TET2: variants seen among roughly 807,000 people sequenced by gnomAD.
TET2 encodes methylcytosine dioxygenase TET2.
Under a neutral mutation model 142.9 loss-of-function variants are expected in TET2, and 299 were observed. The observed-to-expected ratio is 2.09, with a 90% CI of 1.90 to 2.30. The LOEUF is 2.30. Ranked by LOEUF, TET2 falls within the 30% of genes most tolerant of loss-of-function variation. TET2 has a pLI of 0.00. For missense variants in TET2, 2,418 were observed against 2,378.0 expected (o/e 1.02, Z -0.35); for synonymous variants, 819 against 849.0 (o/e 0.96, Z 0.61).
At chr4:105,195,957 C>T (rs181950449) in intron 2 of TET2, among the ~76,000 whole-genome samples, 3 of 152,252 alleles carry the variant, frequency 2.0e-5, no homozygotes, top group Admixed American at 6.5e-5. Context: ...TACTTGTGCA[C>T]ACTCACACAC....
chr4:105,168,119 C>A (rs1307612739), intron 1 of TET2, among the ~76,000 whole-genome samples: 1 of 152,120 alleles, frequency 6.6e-6, no homozygotes, highest in Non-Finnish European at 1.5e-5. Context: ...CTTTGCTCCC[C>A]CTTCTTACCT....
chr4:105,176,077 G>T (rs1027623690), intron 1 of TET2, among the ~76,000 whole-genome samples: 1 of 152,064 alleles, frequency 6.6e-6, no homozygotes, highest in Non-Finnish European at 1.5e-5. Context: ...TTAGAGAGAG[G>T]TAAAATGATA....
At chr4:105,265,464 A>G (rs1730640412) in intron 8 of TET2, among the ~76,000 whole-genome samples, 1 of 152,244 alleles carries the variant, frequency 6.6e-6, no homozygotes, top group East Asian at 1.9e-4. Context: ...CATAAGTGTA[A>G]TTTCTAGCTG....
At chr4:105,253,036 C>T (rs963164192) in intron 6 of TET2, among the ~76,000 whole-genome samples, 1 of 152,062 alleles carries the variant, frequency 6.6e-6, no homozygotes, top group African/African-American at 2.4e-5. Context: ...TTAACTTAGG[C>T]TTTAGAGTAA....
chr4:105,263,636 A>G (rs1730551362), intron 8 of TET2, among the ~76,000 whole-genome samples: 2 of 152,152 alleles, frequency 1.3e-5, no homozygotes, highest in South Asian at 4.1e-4. Context: ...TTAGATGGAG[A>G]ATCAGGAGAA....
intron 2 of TET2, among the ~76,000 whole-genome samples, chr4:105,217,169 C>A (rs1179623481): frequency 6.6e-6 from 1 of 151,562 alleles, no homozygotes; most frequent in East Asian, 1.9e-4. Flanking sequence ...ATTTCAAAGG[C>A]ATAACTTGGA....
chr4:105,258,398 T>C (rs1730249593), intron 6 of TET2, among the ~76,000 whole-genome samples: 1 of 152,184 alleles, frequency 6.6e-6, no homozygotes, highest in African/African-American at 2.4e-5. Context: ...TACCATTTAA[T>C]ATAGTTTGTA....
intron 2 of TET2, among the ~76,000 whole-genome samples, chr4:105,206,768 A>G (rs1279433793): frequency 1.3e-5 from 2 of 152,188 alleles, no homozygotes; most frequent in African/African-American, 4.8e-5. Flanking sequence ...TACTGGAAAG[A>G]GGGCTTAGAT....
In TET2 at chr4:105,234,376, G is replaced by A. The variant is rs114619974; in HGVS notation, c.434G>A (p.Ser145Asn). The change falls in exon 3 of 11, where the codon AGT (serine) becomes AAT (asparagine). Residue 145 changes from serine (S) to asparagine (N), a missense_variant. Coordinates refer to ENST00000380013, the MANE Select transcript of TET2 (RefSeq NM_001127208.3). The stretch of plus-strand genomic sequence containing the variant: ...AGTCAACCAAATGTCTCCGATTTGA[G>A]TGATAAGAAAGAATCTGTGAGTTCT... The part of the protein sequence containing the change: ...ESSQPNVSDL[S>N]DKKESVSSVA... 3.6e-4 allele frequency: 588 copies of A among 1,614,062 alleles called. 3 individuals carry two copies. In the African/African-American group the frequency reaches 7.3e-3, roughly 20 times the overall value.
At chr4:105,193,079 A>G (rs1725880202) in intron 2 of TET2, among the ~76,000 whole-genome samples, 1 of 152,194 alleles carries the variant, frequency 6.6e-6, no homozygotes, top group Admixed American at 6.6e-5. Flanking sequence ...GATATGGACA[A>G]GAACTTTGGA....
intron 10 of TET2, among the ~76,000 whole-genome samples, chr4:105,273,315 C>T (rs534184018): frequency 6.6e-6 from 1 of 152,312 alleles, no homozygotes; most frequent in African/African-American, 2.4e-5. Flanking sequence ...TGAGATATTG[C>T]ACCATCAACA....
intron 1 of TET2, among the ~76,000 whole-genome samples, chr4:105,179,592 A>G (rs1336611050): frequency 2.0e-5 from 3 of 152,218 alleles, no homozygotes; most frequent in Non-Finnish European, 2.9e-5. Flanking sequence ...AATGAAAAAT[A>G]TCCTCTTCAT....
In TET2 at chr4:105,190,368, A is replaced by T. The variant is rs574679122; in HGVS notation, c.-184A>T. Reference sequence around the variant, plus strand: ...AACTCTGTCTTCTCTAGGCTGGCAAACATTCAGCAGCACACCCTCTCAAGA... The same window carrying T: ...AACTCTGTCTTCTCTAGGCTGGCAATCATTCAGCAGCACACCCTCTCAAGA... On this transcript the variant is annotated 5_prime_UTR_variant, in exon 2 of 11. Coordinates refer to ENST00000380013, the MANE Select transcript of TET2 (RefSeq NM_001127208.3). The T allele has an allele frequency of 1.2e-4, 84 of 674,492 alleles. No homozygotes were observed. The highest frequency in any genetic ancestry group is 2.0e-4 in the Non-Finnish European group (74 of 373,350). 41.8% of individuals were successfully genotyped at this position (674,492 alleles called of 1,614,324 possible).
intron 2 of TET2, among the ~76,000 whole-genome samples, chr4:105,198,418 C>T (rs1231328379): frequency 6.6e-6 from 1 of 152,110 alleles, no homozygotes; most frequent in Non-Finnish European, 1.5e-5. Flanking sequence ...AAAAGGAAAA[C>T]TATCAAAATA....
chr4:105,189,626 A>G (rs542178248), intron 1 of TET2, among the ~76,000 whole-genome samples: 8 of 152,248 alleles, frequency 5.3e-5, no homozygotes, highest in Admixed American at 3.9e-4. Context: ...CCCTTTTATC[A>G]GTGCATGTCA....
At chr4:105,233,816 A>G in intron 2 of TET2, 81 bp from the exon 3 acceptor site, 2 of 712,226 alleles carry the variant, frequency 2.8e-6, no homozygotes, top group Non-Finnish European at 4.4e-6. Context: ...TTATTCCTTA[A>G]GATATATTAG....
At chr4:105,267,573 C>T (rs1308306522) in intron 8 of TET2, among the ~76,000 whole-genome samples, 1 of 144,916 alleles carries the variant, frequency 6.9e-6, no homozygotes, top group Non-Finnish European at 1.5e-5. Flanking sequence ...GCTAATCAGC[C>T]AGTAAAGACA....
intron 2 of TET2, among the ~76,000 whole-genome samples, chr4:105,214,416 C>T (rs1353445778): frequency 6.7e-6 from 1 of 149,874 alleles, no homozygotes; most frequent in Non-Finnish European, 1.5e-5. Context: ...AAGCAATCCT[C>T]CCATCTCAGC....
chr4:105,237,146 A>C lies in TET2; in HGVS notation c.3204A>C (p.Gln1068His), dbSNP rs758225259. The change falls in exon 3 of 11, where the codon CAA becomes CAC. Residue 1068 changes from glutamine (Q) to histidine (H), a missense_variant. Transcript: ENST00000380013. ...MSGPVTVLTR[Q>H]TTAAELDSHT... Reference sequence around the variant, plus strand: ...GGCCAGTCACAGTTTTGACTAGACAAACCACTGCTGCAGAACTTGATAGCC... The same window carrying C: ...GGCCAGTCACAGTTTTGACTAGACACACCACTGCTGCAGAACTTGATAGCC... 6.2e-7 allele frequency: 1 copy of C among 1,614,172 alleles called. No individual in the cohort carries two copies. Among genetic ancestry groups the C allele is most frequent in the South Asian group, 1.1e-5 (1 of 91,078 alleles).
Sources: gnomAD v4.1 joint callset for allele counts (sites outside exome capture counted in the v4.1 genomes callset) on GRCh38, gnomAD v4.1.1 for gene constraint, MANE v1.5 for transcripts, NCBI Gene and HGNC (gene_info 2026-07-23, HGNC 2026-07-21) for gene names.